Variants in TAF12 observed in about 807,000 individuals in gnomAD.
The protein encoded by TAF12 is transcription initiation factor TFIID subunit 12.
Under a neutral mutation model 20.8 loss-of-function variants are expected in TAF12, and 3 were observed. The observed-to-expected ratio is 0.14, with a 90% CI of 0.07 to 0.37. The LOEUF (loss-of-function observed/expected upper bound fraction) is 0.37. Ranked by LOEUF, TAF12 falls within the 10% of genes least tolerant of loss-of-function variation. The pLI, the probability that TAF12 is intolerant of heterozygous loss-of-function variation, is 1.00. For missense variants in TAF12, 131 were observed against 197.9 expected, an observed-to-expected ratio of 0.66 and a Z score of 2.03; for synonymous variants, 69 against 70.2, an observed-to-expected ratio of 0.98 and a Z score of 0.09.
chr1:28,613,507 G>C (rs1570302852), intron 3 of TAF12, 146 bp from the exon 4 acceptor site: 1 of 651,702 alleles, frequency 1.5e-6, no homozygotes, highest in East Asian at 2.8e-5. Flanking sequence ...AGGTGGGGAA[G>C]AGGAATGAGA....
upstream of TAF12, among the ~76,000 whole-genome samples, chr1:28,646,784 C>T (rs1179557994): frequency 2.0e-5 from 3 of 151,308 alleles, no homozygotes; most frequent in Non-Finnish European, 4.4e-5. Context: ...CCGCAAGCTC[C>T]ACCTCCTGGG....
chr1:28,615,343 T>C (rs1277596714), intron 3 of TAF12, among the ~76,000 whole-genome samples: 2 of 151,788 alleles, frequency 1.3e-5, no homozygotes, highest in Admixed American at 6.6e-5. Context: ...AGATCAACTC[T>C]AAAAATAACC....
intron 3 of TAF12, among the ~76,000 whole-genome samples, chr1:28,615,997 G>C (rs1667029995): frequency 6.6e-6 from 1 of 152,144 alleles, no homozygotes; most frequent in Non-Finnish European, 1.5e-5. Flanking sequence ...TGCAAATCGG[G>C]CATTTTTCTC....
chr1:28,620,417 G>A (rs563822626), intron 2 of TAF12, among the ~76,000 whole-genome samples: 6 of 151,380 alleles, frequency 4.0e-5, no homozygotes, highest in Non-Finnish European at 5.9e-5. Context: ...ACAGGCGTGA[G>A]CTACCGCGCA....
intron 1 of TAF12, among the ~76,000 whole-genome samples, chr1:28,628,843 C>T (rs1667525769): frequency 6.6e-6 from 1 of 152,202 alleles, no homozygotes; most frequent in African/African-American, 2.4e-5. Context: ...GAGGCCAAGG[C>T]AGGCGGATCA....
intron 1 of TAF12, among the ~76,000 whole-genome samples, chr1:28,629,940 C>G (rs530465197): frequency 6.6e-6 from 1 of 150,888 alleles, no homozygotes; most frequent in Non-Finnish European, 1.5e-5. Context: ...GCACCCAACT[C>G]TAACCTGTTT....
intron 3 of TAF12, among the ~76,000 whole-genome samples, chr1:28,617,482 T>A (rs1485375658): frequency 6.6e-6 from 1 of 150,734 alleles, no homozygotes; most frequent in East Asian, 2.0e-4. Context: ...GGAGTCTTGC[T>A]CTGTCGCCTA....
rs760486849 is a variant in TAF12 at position 28,628,228 on chromosome 1, TGGGGGG to T, written c.-84-6069_-84-6064del. On this transcript the variant is annotated intron_variant, in intron 1 of 5. Coordinates refer to ENST00000373824, the MANE Select transcript of TAF12 (RefSeq NM_005644.4). ...AATTAGCCAGACACGGTGCAGGGGG[TGGGGGG>T]GGGGGGGGCGCCTGTAATCCCTTGG... 1.3e-3 allele frequency among the ~76,000 whole-genome samples: 5 copies of T among 3,872 alleles called. 1 individual carries two copies. Among genetic ancestry groups the T allele is most frequent in the African/African-American group, 3.3e-3 (3 of 902 alleles). 2.5% of individuals were successfully genotyped at this position (3,872 alleles called of 152,430 possible). A position where few individuals can be genotyped will look rare whatever the true frequency, so the allele number is the denominator to read the frequency against.
At chr1:28,647,354 T>C (rs779566232), upstream of TAF12, among the ~76,000 whole-genome samples, 9 of 152,094 alleles carry the variant, frequency 5.9e-5, no homozygotes, top group Non-Finnish European at 8.8e-5. Context: ...GTGGCATGAT[T>C]ATGGCTCACT....
At position 28,603,536 on chromosome 1, in the gene TAF12, G is replaced by T; in HGVS notation, c.*3C>A. The T allele has an allele frequency of 6.2e-7, 1 of 1,613,758 alleles. No individual in the cohort carries two copies. The highest frequency in any genetic ancestry group is 8.5e-7 in the Non-Finnish European group (1 of 1,180,002). On this transcript the variant is annotated 3_prime_UTR_variant, in exon 6 of 6. Coordinates refer to ENST00000373824, the MANE Select transcript of TAF12 (RefSeq NM_005644.4). ...GCTGTCCATTCCCTGACCTTTCCGT[G>T]TGTTATTTCTTGGTTGTTTTCCGGA...
rs1203305008 is a variant in TAF12, at chr1:28,605,458, G to A, written c.364C>T (p.Arg122Cys). Residue 122 changes from arginine (R) to cysteine (C), a missense_variant and splice_region_variant, in exon 5 of 6, where the codon CGC (arginine) becomes TGC (cysteine). Arg to Cys is a radical substitution (Grantham distance 180). Around this residue, in one of 3 missense-constraint regions of TAF12, gnomAD observed 60 missense variants for 90.2 expected, o/e 0.66. Coordinates refer to ENST00000373824, the MANE Select transcript of TAF12 (RefSeq NM_005644.4). The part of the protein sequence containing the change: ...EVKDVQLHLE[R>C]QWNMWIPGFG... ...CCTGGGATCCACATGTTCCACTGGC[G>A]CTCTGCAAGGAAGAAGCCAGCACAG... The A allele has an allele frequency of 1.9e-6, 3 of 1,613,816 alleles. No individual in the cohort carries two copies. The highest frequency in any genetic ancestry group is 2.2e-5 in the East Asian group (1 of 44,882).
At chr1:28,627,665 CAAAA>C (rs61016146) in intron 1 of TAF12, among the ~76,000 whole-genome samples, 8 of 103,494 alleles carry the variant, frequency 7.7e-5, no homozygotes, top group Non-Finnish European at 1.2e-4. Context: ...TGCACTCCCT[CAAAA>C]AAAAAAAAAA....
At chr1:28,630,359 A>G (rs1446526299) in intron 1 of TAF12, among the ~76,000 whole-genome samples, 1 of 152,140 alleles carries the variant, frequency 6.6e-6, no homozygotes, top group Non-Finnish European at 1.5e-5. Flanking sequence ...GTTCGAGACC[A>G]GCCTGACCAA....
chr1:28,643,156 C>CT (rs1254281895), upstream of TAF12: 2 of 973,592 alleles, frequency 2.1e-6, no homozygotes, highest in African/African-American at 3.5e-5. Context: ...GCGCGCCTCG[C>CT]TTGCGCAGGC....
At chr1:28,646,990 A>T (rs1668207174), upstream of TAF12, among the ~76,000 whole-genome samples, 2 of 151,438 alleles carry the variant, frequency 1.3e-5, no homozygotes, top group East Asian at 1.9e-4. Context: ...GAGCCACCGC[A>T]CCCGGCCAAT....
At chr1:28,630,458 A>C (rs190657949) in intron 1 of TAF12, among the ~76,000 whole-genome samples, 15 of 152,032 alleles carry the variant, frequency 9.9e-5, no homozygotes, top group African/African-American at 3.1e-4. Flanking sequence ...AGGCTGAGGC[A>C]GGAGAATCGC....
intron 1 of TAF12, 30 bp from the exon 2 acceptor site, chr1:28,622,195 TAGA>T (rs1557465039): frequency 6.8e-7 from 1 of 1,464,758 alleles, no homozygotes; most frequent in Non-Finnish European, 9.0e-7. Flanking sequence ...GAATTAGCTC[TAGA>T]AGAACCTGTA....
At chr1:28,624,786 G>T (rs9426292) in intron 1 of TAF12, among the ~76,000 whole-genome samples, 30,634 of 151,664 alleles carry the variant, frequency 0.2, 3,813 homozygotes, top group Middle Eastern at 0.31. Context: ...ATAATAATAA[G>T]AAGAAATCAT....
intron 1 of TAF12, among the ~76,000 whole-genome samples, chr1:28,628,492 T>C (rs946511105): frequency 1.3e-5 from 2 of 152,144 alleles, no homozygotes; most frequent in Middle Eastern, 3.4e-3. Flanking sequence ...CCAGGGCATG[T>C]AGGAGAGGAA....
Sources: allele counts gnomAD v4.1 joint callset (sites outside exome capture counted in the v4.1 genomes callset), GRCh38; gene constraint gnomAD v4.1.1; regional missense constraint gnomAD v4.1.1; transcripts MANE v1.5; gene names NCBI Gene and HGNC (gene_info 2026-07-23, HGNC 2026-07-21).